The following PCYT1B variants were observed in gnomAD, a reference collection of about 807,000 sequenced individuals.
PCYT1B encodes choline-phosphate cytidylyltransferase B.
A neutral mutation model predicts 26.4 loss-of-function variants in PCYT1B; 10 were observed. That is an observed-to-expected ratio of 0.38 (90% CI 0.23 to 0.64). The LOEUF (loss-of-function observed/expected upper bound fraction) is 0.64. Ranked by LOEUF, PCYT1B falls within the 30% of genes least tolerant of loss-of-function variation. PCYT1B has a pLI of 0.56. For missense variants in PCYT1B, 161 were observed against 292.7 expected (o/e 0.55, Z 3.28); for synonymous variants, 131 against 108.4 (o/e 1.21, Z -1.29).
At chrX:24,651,976 G>A (rs1290588376), upstream of PCYT1B, among the ~76,000 whole-genome samples, 1 of 111,302 alleles carries the variant, frequency 9.0e-6, no homozygotes, top group African/African-American at 3.3e-5. Flanking sequence ...AGCTGAAACC[G>A]AGGAACAAAG....
chrX:24,660,982 A>G (rs1927017837), intron 1 of PCYT1B, among the ~76,000 whole-genome samples: 1 of 111,645 alleles, frequency 9.0e-6, no homozygotes, highest in Non-Finnish European at 1.9e-5. Context: ...TTTTGGAATA[A>G]GTCTTTGGTC....
At chrX:24,641,936 T>C (rs1002424799) in intron 1 of PCYT1B, among the ~76,000 whole-genome samples, 3 of 112,157 alleles carry the variant, frequency 2.7e-5, no homozygotes, top group Non-Finnish European at 5.6e-5. Flanking sequence ...TCCCAAAATA[T>C]GTATTGGGGT....
At chrX:24,564,297 G>A (rs906168691) in intron 7 of PCYT1B, among the ~76,000 whole-genome samples, 6 of 111,493 alleles carry the variant, frequency 5.4e-5, no homozygotes, top group African/African-American at 2.0e-4. Flanking sequence ...TTTTTACTGA[G>A]GTATAATAAA....
In PCYT1B at chrX:24,619,007, A is replaced by C. The variant is rs1197970785; in HGVS notation, c.195T>G (p.Ala65=). ...CACCTGGTGTTCCTAAGCGGGCCTG[A>C]GCAATGGTCAGTTTTTCATGGGGTG... The part of the protein sequence containing the change: ...CQAPHEKLTI[A]QARLGTPADR... The change falls in exon 2 of 8, where the codon GCT becomes GCG. Residue 65 remains alanine (A), a synonymous_variant. Coordinates refer to ENST00000379144, the MANE Select transcript of PCYT1B (RefSeq NM_004845.5). 1 of 1,163,289 alleles carries C rather than the reference A, an allele frequency of 8.6e-7. No individual in the cohort carries two copies. The highest frequency in any genetic ancestry group is 1.2e-6 in the Non-Finnish European group (1 of 866,819).
chrX:24,572,262 G>GCACA (rs1555955586), intron 7 of PCYT1B, among the ~76,000 whole-genome samples: 2 of 64,088 alleles, frequency 3.1e-5, no homozygotes, highest in East Asian at 6.2e-4. Context: ...ACACACACGC[G>GCACA]CGCGCACACA....
intron 7 of PCYT1B, among the ~76,000 whole-genome samples, chrX:24,572,455 C>T (rs1455063775): frequency 8.9e-6 from 1 of 111,740 alleles, no homozygotes; most frequent in Non-Finnish European, 1.9e-5. Context: ...GCATACCTAT[C>T]TCATTGTACC....
intron 3 of PCYT1B, among the ~76,000 whole-genome samples, chrX:24,602,469 C>A: frequency 9.0e-6 from 1 of 111,090 alleles, no homozygotes; most frequent in East Asian, 2.8e-4. Flanking sequence ...AAATTTTATC[C>A]AAACCCATAG....
intron 1 of PCYT1B, among the ~76,000 whole-genome samples, chrX:24,646,385 C>G (rs1926624254): frequency 8.9e-6 from 1 of 111,781 alleles, no homozygotes; most frequent in Non-Finnish European, 1.9e-5. Flanking sequence ...TTTCCACTAC[C>G]TGAAGAGAAA....
intron 2 of PCYT1B, among the ~76,000 whole-genome samples, chrX:24,618,477 G>A (rs1266743682): frequency 9.0e-6 from 1 of 111,551 alleles, no homozygotes; most frequent in African/African-American, 3.3e-5. Flanking sequence ...GTATTCTGAT[G>A]CATCTTTTTC....
intron 7 of PCYT1B, among the ~76,000 whole-genome samples, chrX:24,574,806 T>C (rs747176552): frequency 1.8e-5 from 2 of 112,084 alleles, no homozygotes; most frequent in Non-Finnish European, 3.8e-5. Flanking sequence ...AGTTTCATCA[T>C]CCCCAACTGG....
At chrX:24,609,622 T>A (rs901609277) in intron 2 of PCYT1B, among the ~76,000 whole-genome samples, 1 of 111,986 alleles carries the variant, frequency 8.9e-6, no homozygotes, top group Non-Finnish European at 1.9e-5. Flanking sequence ...TAAAAAGATA[T>A]AATCCTCCCA....
chrX:24,576,116 T>C (rs1924003498), intron 6 of PCYT1B, among the ~76,000 whole-genome samples: 1 of 112,247 alleles, frequency 8.9e-6, no homozygotes, highest in African/African-American at 3.2e-5. Flanking sequence ...TAGTAAATGC[T>C]CAGTGTATGT....
chrX:24,619,610 G>A (rs887327868), intron 1 of PCYT1B, among the ~76,000 whole-genome samples: 4 of 112,001 alleles, frequency 3.6e-5, no homozygotes, highest in African/African-American at 9.7e-5. Flanking sequence ...AGCGTGGCAC[G>A]CCATCTCCTA....
intron 6 of PCYT1B, among the ~76,000 whole-genome samples, chrX:24,578,809 AAG>A (rs936165416): frequency 9.0e-6 from 1 of 111,601 alleles, no homozygotes; most frequent in African/African-American, 3.3e-5. Context: ...AAAAACTCTA[AAG>A]AGAGAGTTTG....
chrX:24,565,871 G>A (rs1188507239), intron 7 of PCYT1B, among the ~76,000 whole-genome samples: 6 of 108,671 alleles, frequency 5.5e-5, no homozygotes, highest in Middle Eastern at 4.9e-3. Flanking sequence ...GATAGATCTC[G>A]GTATATAGAC....
At chrX:24,637,493 T>A (rs188989124) in intron 1 of PCYT1B, among the ~76,000 whole-genome samples, 2,593 of 52,808 alleles carry the variant, frequency 0.049, 169 homozygotes, top group Admixed American at 0.1. Context: ...AAAAAAAAAA[T>A]ATATATATAT....
intron 1 of PCYT1B, among the ~76,000 whole-genome samples, chrX:24,626,377 C>T (rs1925884757): frequency 8.9e-6 from 1 of 111,823 alleles, no homozygotes. Context: ...TTGAATGATA[C>T]ACATTGAATT....
chrX:24,575,605 G>A (rs1044384446), intron 6 of PCYT1B, among the ~76,000 whole-genome samples: 1 of 112,254 alleles, frequency 8.9e-6, no homozygotes, highest in East Asian at 2.8e-4. Flanking sequence ...TATAAGAGGA[G>A]AATAAAAAAC....
At chrX:24,624,270 A>T (rs1331240243) in intron 1 of PCYT1B, among the ~76,000 whole-genome samples, 1 of 111,728 alleles carries the variant, frequency 9.0e-6, no homozygotes. Flanking sequence ...CGCCCGGCCA[A>T]GCTAAGCTAT....
Sources: gnomAD v4.1 joint callset for allele counts (sites outside exome capture counted in the v4.1 genomes callset) on GRCh38, gnomAD v4.1.1 for gene constraint, MANE v1.5 for transcripts, NCBI Gene and HGNC (gene_info 2026-07-23, HGNC 2026-07-21) for gene names.